Variants in VPS13B observed in about 807,000 individuals in gnomAD.
VPS13B encodes the protein intermembrane lipid transfer protein VPS13B.
A neutral mutation model predicts 426.4 loss-of-function variants in VPS13B; 285 were observed. The observed-to-expected ratio is 0.67, with a 90% CI of 0.61 to 0.74. The LOEUF (loss-of-function observed/expected upper bound fraction) is 0.74, where lower values mean the gene tolerates loss of function less well. Ranked by LOEUF, VPS13B falls within the 30% of genes least tolerant of loss-of-function variation. The pLI, the probability that VPS13B is intolerant of heterozygous loss-of-function variation, is 0.00. For synonymous variants in VPS13B, 1,676 were observed against 1,676.4 expected (o/e 1.00, Z 0.01); for missense variants, 4,537 against 4,782.6 (o/e 0.95, Z 1.51).
chr8:99,700,171 T>C (rs763951706), intron 36 of VPS13B, among the ~76,000 whole-genome samples: 21 of 152,218 alleles, frequency 1.4e-4, no homozygotes, highest in Admixed American at 6.5e-5. Context: ...TCCAGGTATC[T>C]AAAACTGTTA....
chr8:99,439,941 A>T (rs923957369), intron 22 of VPS13B, among the ~76,000 whole-genome samples: 2 of 152,162 alleles, frequency 1.3e-5, no homozygotes, highest in African/African-American at 4.8e-5. Flanking sequence ...CTTCAGGGAA[A>T]AATGCATTGC....
chr8:99,652,649 T>G (rs1829867207), intron 34 of VPS13B, among the ~76,000 whole-genome samples: 1 of 152,096 alleles, frequency 6.6e-6, no homozygotes. Flanking sequence ...TTCTTACACC[T>G]CATAAATCAT....
intron 19 of VPS13B, among the ~76,000 whole-genome samples, chr8:99,373,880 A>G (rs1813330455): frequency 1.3e-5 from 2 of 152,070 alleles, no homozygotes; most frequent in Non-Finnish European, 1.5e-5. Flanking sequence ...TTTTACCAAC[A>G]TATTTACCCT....
intron 27 of VPS13B, 47 bp downstream of exon 27, chr8:99,502,997 A>G (rs1821321724): frequency 7.1e-7 from 1 of 1,406,708 alleles, no homozygotes; most frequent in Non-Finnish European, 1.0e-6. Context: ...TTTTCTTTGA[A>G]CAAAGTTACC....
chr8:99,524,667 G>A (rs778082787), intron 30 of VPS13B, among the ~76,000 whole-genome samples: 4 of 152,140 alleles, frequency 2.6e-5, no homozygotes, highest in East Asian at 1.9e-4. Flanking sequence ...GGTGGCACAC[G>A]CCTGTAGTCC....
chr8:99,677,002 G>A (rs1830961063), intron 35 of VPS13B, among the ~76,000 whole-genome samples: 1 of 152,022 alleles, frequency 6.6e-6, no homozygotes, highest in African/African-American at 2.4e-5. Context: ...TGTAATACCA[G>A]CTACTTGGGA....
intron 20 of VPS13B, among the ~76,000 whole-genome samples, chr8:99,390,589 T>G (rs963139795): frequency 5.9e-5 from 9 of 152,156 alleles, no homozygotes; most frequent in Non-Finnish European, 8.8e-5. Flanking sequence ...TAAGGTTGGA[T>G]CTATAAAACT....
chr8:99,272,630 C>T (rs1818659332), intron 17 of VPS13B, among the ~76,000 whole-genome samples: 1 of 152,076 alleles, frequency 6.6e-6, no homozygotes, highest in Non-Finnish European at 1.5e-5. Flanking sequence ...CCTTAAGGAT[C>T]AAAATGAGGT....
intron 3 of VPS13B, among the ~76,000 whole-genome samples, chr8:99,093,293 T>TA (rs1304471753): frequency 1.3e-5 from 2 of 152,098 alleles, no homozygotes; most frequent in African/African-American, 4.8e-5. Context: ...ATATCTCACT[T>TA]AGAGTTCTTT....
At chr8:99,207,472 T>C (rs1404679605) in intron 17 of VPS13B, among the ~76,000 whole-genome samples, 1 of 152,204 alleles carries the variant, frequency 6.6e-6, no homozygotes, top group African/African-American at 2.4e-5. Context: ...ATGGGAATTT[T>C]AGGTGTCCTT....
At chr8:99,656,264 T>C (rs1235533271) in intron 34 of VPS13B, among the ~76,000 whole-genome samples, 3 of 152,194 alleles carry the variant, frequency 2.0e-5, no homozygotes, top group Non-Finnish European at 4.4e-5. Flanking sequence ...CAGTTTGTCA[T>C]TTATTCTGAC....
intron 51 of VPS13B, among the ~76,000 whole-genome samples, chr8:99,827,051 C>A (rs915534911): frequency 2.0e-5 from 3 of 151,844 alleles, no homozygotes; most frequent in African/African-American, 7.3e-5. Flanking sequence ...TGTGTCTCTG[C>A]CAGGTTTTGG....
chr8:99,797,479 T>G (rs550398382), intron 43 of VPS13B, among the ~76,000 whole-genome samples: 1 of 152,222 alleles, frequency 6.6e-6, no homozygotes, highest in Non-Finnish European at 1.5e-5. Flanking sequence ...AATAAAATTG[T>G]CAACACTGTT....
rs756141198 is a variant in VPS13B, at chr8:99,135,737, A to G, written c.1563+4A>G. 1.2e-6 allele frequency: 2 copies of G among 1,613,074 alleles called. No individual in the cohort carries two copies. The highest frequency in any genetic ancestry group is 1.7e-5 in the Admixed American group (1 of 59,998). On this transcript the variant is annotated splice_donor_region_variant and intron_variant, in intron 11 of 61. Coordinates refer to ENST00000357162, the MANE Select transcript of VPS13B (RefSeq NM_152564.5). ...CTTGGATTCAACTCATCATAAGGTT[A>G]GAGAATATATATTTGAACCAAATTC... is the stretch of plus-strand genomic sequence containing the variant.
intron 17 of VPS13B, among the ~76,000 whole-genome samples, chr8:99,245,242 C>T (rs1349305775): frequency 6.6e-6 from 1 of 152,158 alleles, no homozygotes; most frequent in Non-Finnish European, 1.5e-5. Flanking sequence ...GTGATAGTGA[C>T]TGTTTATTAA....
chr8:99,213,400 A>G (rs1815212238), intron 17 of VPS13B, among the ~76,000 whole-genome samples: 1 of 152,182 alleles, frequency 6.6e-6, no homozygotes. Flanking sequence ...TAGTCCTCTG[A>G]CAAAAATTGG....
At chr8:99,737,393 C>G (rs1444538131) in intron 39 of VPS13B, among the ~76,000 whole-genome samples, 2 of 152,054 alleles carry the variant, frequency 1.3e-5, no homozygotes, top group Admixed American at 6.5e-5. Context: ...TACACTTTCA[C>G]ATATGATCAG....
At chr8:99,249,154 C>T (rs956728776) in intron 17 of VPS13B, among the ~76,000 whole-genome samples, 1 of 97,866 alleles carries the variant, frequency 1.0e-5, no homozygotes, top group African/African-American at 2.8e-5. Flanking sequence ...TATTATGTGA[C>T]CTTTTGGTTT....
rs780448792 is a variant in VPS13B, at chr8:99,156,551, C to T, written c.2016C>T (p.Asn672=). The part of the protein sequence containing the change: ...HLLPVIMGEK[N]SSNFMNTTNF... Reference sequence around the variant, plus strand: ...AAGCGAACACTATTATTTTCTAGAACTCAAGTAACTTCATGAATACTACAA... The same window carrying T: ...AAGCGAACACTATTATTTTCTAGAATTCAAGTAACTTCATGAATACTACAA... Residue 672 remains asparagine (N), a splice_region_variant and synonymous_variant, in exon 15 of 62, where the codon AAC becomes AAT. Transcript: ENST00000357162. The T allele has an allele frequency of 2.9e-5, 46 of 1,613,862 alleles. No individual in the cohort carries two copies. Among genetic ancestry groups the T allele is most frequent in the Non-Finnish European group, 3.7e-5 (44 of 1,179,832 alleles).
Sources: gnomAD v4.1 joint callset for allele counts (sites outside exome capture counted in the v4.1 genomes callset) on GRCh38, gnomAD v4.1.1 for gene constraint, MANE v1.5 for transcripts, NCBI Gene and HGNC (gene_info 2026-07-23, HGNC 2026-07-21) for gene names.